Variants in CACNB2 observed in about 807,000 individuals in gnomAD.
CACNB2 encodes the protein voltage-dependent L-type calcium channel subunit beta-2.
A neutral mutation model predicts 73.3 loss-of-function variants in CACNB2; 42 were observed. The ratio of observed to expected loss-of-function variants is 0.57; its 90% CI spans 0.45 to 0.74. The LOEUF (loss-of-function observed/expected upper bound fraction) is 0.74. Among genes scored for constraint, CACNB2 ranks in the 30% least tolerant of loss-of-function variants. The pLI is 0.00. For missense variants in CACNB2, 940 were observed against 853.0 expected, an observed-to-expected ratio of 1.10 and a Z score of -1.27; for synonymous variants, 348 against 310.3, an observed-to-expected ratio of 1.12 and a Z score of -1.28.
intron 2 of CACNB2, among the ~76,000 whole-genome samples, chr10:18,156,826 C>G (rs942446754): frequency 1.3e-5 from 2 of 150,144 alleles, no homozygotes; most frequent in Non-Finnish European, 3.0e-5. Context: ...GTCAGGAGAT[C>G]GAGACCAGCC....
chr10:18,308,436 G>A (rs904528089), intron 2 of CACNB2, among the ~76,000 whole-genome samples: 3 of 152,188 alleles, frequency 2.0e-5, no homozygotes, highest in Non-Finnish European at 4.4e-5. Flanking sequence ...CCCTCTAGGC[G>A]ATTTTTCAAT....
At chr10:18,465,254 TG>T (rs2047813969) in intron 3 of CACNB2, among the ~76,000 whole-genome samples, 1 of 152,180 alleles carries the variant, frequency 6.6e-6, no homozygotes, top group South Asian at 2.1e-4. Flanking sequence ...TGCTTGAACC[TG>T]GGAGTGGGAG....
intron 2 of CACNB2, among the ~76,000 whole-genome samples, chr10:18,268,362 T>C (rs1270994470): frequency 6.6e-6 from 1 of 152,204 alleles, no homozygotes; most frequent in Non-Finnish European, 1.5e-5. Context: ...TTAAAATGTG[T>C]TTGACATAAC....
chr10:18,390,973 A>C (rs1042310819), intron 2 of CACNB2, among the ~76,000 whole-genome samples: 6 of 152,236 alleles, frequency 3.9e-5, no homozygotes, highest in African/African-American at 1.4e-4. Flanking sequence ...TGGAATGAAG[A>C]AGCAGAATTA....
chr10:18,315,120 T>C (rs1189386977), intron 2 of CACNB2, among the ~76,000 whole-genome samples: 1 of 151,946 alleles, frequency 6.6e-6, no homozygotes, highest in Admixed American at 6.6e-5. Context: ...TGACCTGAGG[T>C]CAGGAGTTCG....
intron 5 of CACNB2, among the ~76,000 whole-genome samples, chr10:18,501,496 T>C (rs2050190891): frequency 6.6e-6 from 1 of 152,236 alleles, no homozygotes; most frequent in African/African-American, 2.4e-5. Flanking sequence ...AGATGAGTTA[T>C]GTAAGAAGCT....
At chr10:18,491,842 A>T in intron 3 of CACNB2, among the ~76,000 whole-genome samples, 1 of 145,332 alleles carries the variant, frequency 6.9e-6, no homozygotes, top group African/African-American at 2.5e-5. Flanking sequence ...AAAAAAAAAA[A>T]AAAAAGCCTG....
At chr10:18,539,049 T>C (rs754544194) in intron 13 of CACNB2, 181 bp from the exon 14 acceptor site, 20 of 708,436 alleles carry the variant, frequency 2.8e-5, no homozygotes, top group Non-Finnish European at 4.6e-5. Flanking sequence ...TCCAATTTAA[T>C]ATAGTATAGT....
chr10:18,189,730 CA>C (rs1366633864), intron 2 of CACNB2, among the ~76,000 whole-genome samples: 3 of 152,164 alleles, frequency 2.0e-5, no homozygotes, highest in Non-Finnish European at 2.9e-5. Context: ...AATTTTTCAG[CA>C]TTAACAGTGT....
chr10:18,467,029 C>T (rs922318229), intron 3 of CACNB2, among the ~76,000 whole-genome samples: 11 of 152,092 alleles, frequency 7.2e-5, no homozygotes, highest in African/African-American at 2.4e-4. Flanking sequence ...TGGCAGGTGC[C>T]TGTAATCCCA....
rs368803325 is a variant in CACNB2, at chr10:18,216,722, C to G, written c.213+65747C>G. 2.0e-5 allele frequency among the ~76,000 whole-genome samples: 3 copies of G among 152,122 alleles called. No homozygotes were observed. In the East Asian group the frequency reaches 5.8e-4, roughly 29 times the overall value. On this transcript the variant is annotated intron_variant, in intron 2 of 13. Coordinates refer to ENST00000324631, the MANE Select transcript of CACNB2 (RefSeq NM_201596.3). ...TGGCTCCTTCCCATTCTCTCATAAC[C>G]CCTCATGGCTTTTAAAAAATCCATT...
intron 2 of CACNB2, among the ~76,000 whole-genome samples, chr10:18,157,935 G>A (rs918037990): frequency 1.3e-5 from 2 of 151,944 alleles, no homozygotes; most frequent in Non-Finnish European, 2.9e-5. Context: ...TTTTAGATCG[G>A]CATAATTCCC....
intron 2 of CACNB2, among the ~76,000 whole-genome samples, chr10:18,258,866 T>C (rs1275279687): frequency 1.3e-5 from 2 of 150,698 alleles, no homozygotes; most frequent in South Asian, 2.1e-4. Flanking sequence ...GAATATATCA[T>C]GTATGGTTCA....
chr10:18,536,706 T>C (rs769349484), intron 12 of CACNB2, among the ~76,000 whole-genome samples: 3 of 152,186 alleles, frequency 2.0e-5, no homozygotes, highest in Non-Finnish European at 4.4e-5. Flanking sequence ...ATCCAAACGA[T>C]GATCATAGCT....
At chr10:18,163,585 C>T (rs2032630443) in intron 2 of CACNB2, among the ~76,000 whole-genome samples, 1 of 152,144 alleles carries the variant, frequency 6.6e-6, no homozygotes, top group Admixed American at 6.5e-5. Flanking sequence ...GCAACACTGA[C>T]ATCAAGAAAT....
At chr10:18,236,466 A>G (rs144288662) in intron 2 of CACNB2, among the ~76,000 whole-genome samples, 17 of 152,314 alleles carry the variant, frequency 1.1e-4, no homozygotes, top group African/African-American at 3.6e-4. Context: ...TTCCCATTAC[A>G]TGTCTTGGAC....
chr10:18,406,214 T>C (rs1226367761), intron 3 of CACNB2, among the ~76,000 whole-genome samples: 1 of 152,072 alleles, frequency 6.6e-6, no homozygotes, highest in Non-Finnish European at 1.5e-5. Flanking sequence ...TGGAATACAA[T>C]AGGTTGTGGG....
At chr10:18,350,808 G>T (rs904788335) in intron 2 of CACNB2, among the ~76,000 whole-genome samples, 4 of 152,134 alleles carry the variant, frequency 2.6e-5, no homozygotes, top group African/African-American at 9.7e-5. Context: ...TGGTTTTTTA[G>T]TGGTGGTGGT....
At chr10:18,427,475 T>A (rs894321832) in intron 3 of CACNB2, among the ~76,000 whole-genome samples, 2 of 152,218 alleles carry the variant, frequency 1.3e-5, no homozygotes, top group African/African-American at 4.8e-5. Context: ...GATTTGACAC[T>A]GAAGCTTACT....
Sources: allele counts gnomAD v4.1 joint callset (sites outside exome capture counted in the v4.1 genomes callset), GRCh38; gene constraint gnomAD v4.1.1; transcripts MANE v1.5; gene names NCBI Gene and HGNC (gene_info 2026-07-23, HGNC 2026-07-21).